The following GALNT10 variants were observed in gnomAD, a reference collection of about 807,000 sequenced individuals.
The protein encoded by GALNT10 is GalNAc transferase 10.
GALNT10 carries 41 observed loss-of-function variants against 75.0 expected under a neutral mutation model. The observed-to-expected ratio is 0.55, with a 90% CI of 0.43 to 0.71. GALNT10 has a LOEUF of 0.71. Among genes scored for constraint, GALNT10 ranks in the 30% least tolerant of loss-of-function variants. The probability of loss-of-function intolerance (pLI) is 0.00; values close to 1 mark genes in which losing one functional copy is unlikely to be tolerated. For missense variants in GALNT10, 727 were observed against 818.5 expected (o/e 0.89, Z 1.36); for synonymous variants, 302 against 313.0 (o/e 0.96, Z 0.37).
chr5:154,296,918 A>G (rs1754283532), intron 2 of GALNT10, among the ~76,000 whole-genome samples: 1 of 152,190 alleles, frequency 6.6e-6, no homozygotes, highest in South Asian at 2.1e-4. Context: ...ACTGGATTGG[A>G]GTAGTCAGAG....
intron 1 of GALNT10, among the ~76,000 whole-genome samples, chr5:154,209,611 CAT>C (rs1464110890): frequency 2.0e-5 from 3 of 152,220 alleles, no homozygotes; most frequent in African/African-American, 7.2e-5. Flanking sequence ...GCTGTGTCCT[CAT>C]GTGGCAGAGA....
intron 4 of GALNT10, among the ~76,000 whole-genome samples, chr5:154,344,189 A>ATTTC (rs138486038): frequency 2.1e-5 from 3 of 143,986 alleles, no homozygotes; most frequent in African/African-American, 5.1e-5. Flanking sequence ...TACAAAATAA[A>ATTTC]TTTCTTTCTT....
At chr5:154,401,910 G>GCCC (rs1442943004) in intron 7 of GALNT10, among the ~76,000 whole-genome samples, 5 of 152,030 alleles carry the variant, frequency 3.3e-5, no homozygotes, top group Non-Finnish European at 7.4e-5. Flanking sequence ...CCCCATTCCT[G>GCCC]CCCCCCATTC....
chr5:154,329,364 C>T (rs7705767), intron 3 of GALNT10: 15,530 of 563,762 alleles, frequency 0.028, 1,365 homozygotes, highest in African/African-American at 0.22. Context: ...TATACATATC[C>T]GCGTGTGCTG....
At chr5:154,342,194 G>A (rs771542713) in intron 4 of GALNT10, among the ~76,000 whole-genome samples, 1 of 152,150 alleles carries the variant, frequency 6.6e-6, no homozygotes, top group Non-Finnish European at 1.5e-5. Context: ...GGAATGAGAT[G>A]AAATTAAAAA....
chr5:154,277,585 G>C lies in GALNT10; in HGVS notation c.160-17231G>C, dbSNP rs546262487. ...AATCTTCCTAAACTCTAGAATGAAA[G>C]AAATTCAAATGCATTGTTTCTCAAG... On this transcript the variant is annotated intron_variant, in intron 1 of 11. Coordinates refer to ENST00000297107, the MANE Select transcript of GALNT10 (RefSeq NM_198321.4). Among the ~76,000 whole-genome samples, 3 of 152,194 alleles carry C rather than the reference G, an allele frequency of 2.0e-5. No homozygotes were observed. In the South Asian group the frequency reaches 6.2e-4, roughly 32 times the overall value.
At chr5:154,241,815 A>T (rs1299691814) in intron 1 of GALNT10, among the ~76,000 whole-genome samples, 1 of 152,194 alleles carries the variant, frequency 6.6e-6, no homozygotes, top group Non-Finnish European at 1.5e-5. Flanking sequence ...TCTTCAACAC[A>T]TATTGGCTTG....
At chr5:154,238,803 G>C (rs1753288709) in intron 1 of GALNT10, among the ~76,000 whole-genome samples, 1 of 152,200 alleles carries the variant, frequency 6.6e-6, no homozygotes, top group African/African-American at 2.4e-5. Context: ...GTTATTGTCT[G>C]AGGATGTTGG....
chr5:154,386,130 A>G (rs1755802187), intron 6 of GALNT10, among the ~76,000 whole-genome samples, 183 bp from the exon 7 acceptor site: 1 of 152,218 alleles, frequency 6.6e-6, no homozygotes, highest in Admixed American at 6.5e-5. Context: ...AGCTCTTATG[A>G]AAGGAAGTTG....
chr5:154,386,773 C>A, intron 7 of GALNT10: 1 of 500,956 alleles, frequency 2.0e-6, no homozygotes, highest in Non-Finnish European at 3.5e-6. Flanking sequence ...AGCAGTGGGC[C>A]AGAGAAGCTA....
At chr5:154,362,908 A>G (rs554652481) in intron 4 of GALNT10, among the ~76,000 whole-genome samples, 1 of 152,258 alleles carries the variant, frequency 6.6e-6, no homozygotes, top group South Asian at 2.1e-4. Flanking sequence ...GGCAGAGAGC[A>G]TGGTGTCAGG....
intron 1 of GALNT10, among the ~76,000 whole-genome samples, chr5:154,293,938 A>C (rs1754236941): frequency 6.6e-6 from 1 of 152,098 alleles, no homozygotes; most frequent in South Asian, 2.1e-4. Flanking sequence ...GCATTCTCTG[A>C]GCCCCTGCCC....
chr5:154,197,779 C>T (rs536966612), intron 1 of GALNT10, among the ~76,000 whole-genome samples: 13 of 152,172 alleles, frequency 8.5e-5, no homozygotes, highest in Non-Finnish European at 1.5e-4. Flanking sequence ...GGTCCTTTAC[C>T]TGTACATCTG....
chr5:154,400,188 C>T (rs981821492), intron 7 of GALNT10, among the ~76,000 whole-genome samples: 2 of 152,002 alleles, frequency 1.3e-5, no homozygotes, highest in East Asian at 1.9e-4. Context: ...TAGCCGTAGC[C>T]GAGAAAAGCC....
intron 1 of GALNT10, among the ~76,000 whole-genome samples, chr5:154,245,923 A>T (rs1460242857): frequency 1.3e-5 from 2 of 151,490 alleles, no homozygotes; most frequent in Admixed American, 6.6e-5. Context: ...TCGTCATTTA[A>T]CATTAGGTAT....
intron 4 of GALNT10, among the ~76,000 whole-genome samples, chr5:154,371,563 T>TGTGTAC (rs1002294143): frequency 9.8e-5 from 5 of 50,972 alleles, no homozygotes; most frequent in Non-Finnish European, 2.2e-4. Flanking sequence ...TGTGTGTGTG[T>TGTGTAC]ACACACACAC....
At chr5:154,375,974 G>A (rs1025602728) in intron 4 of GALNT10, among the ~76,000 whole-genome samples, 1 of 152,224 alleles carries the variant, frequency 6.6e-6, no homozygotes, top group Non-Finnish European at 1.5e-5. Flanking sequence ...ATTGTTACCA[G>A]AAGATGAGGG....
chr5:154,297,595 G>T (rs1754299625), intron 2 of GALNT10, among the ~76,000 whole-genome samples: 1 of 152,190 alleles, frequency 6.6e-6, no homozygotes, highest in Admixed American at 6.5e-5. Flanking sequence ...GTCTGCGAGG[G>T]CAGGGGTCTT....
chr5:154,258,908 TA>T (rs537750061), intron 1 of GALNT10, among the ~76,000 whole-genome samples: 10 of 151,468 alleles, frequency 6.6e-5, no homozygotes, highest in African/African-American at 2.2e-4. Context: ...GAAACTTTTT[TA>T]AAAAAAAACT....
Sources: allele counts gnomAD v4.1 joint callset (sites outside exome capture counted in the v4.1 genomes callset), GRCh38; gene constraint gnomAD v4.1.1; transcripts MANE v1.5; gene names NCBI Gene and HGNC (gene_info 2026-07-23, HGNC 2026-07-21).